The following MYOZ3 variants were observed in gnomAD, a reference collection of about 807,000 sequenced individuals.
The protein encoded by MYOZ3 is myozenin-3.
A neutral mutation model predicts 26.5 loss-of-function variants in MYOZ3; 19 were observed. That is an observed-to-expected ratio of 0.72 (90% confidence interval 0.50 to 1.05). The LOEUF is 1.05. Ranked by LOEUF, MYOZ3 falls within the 50% of genes least tolerant of loss-of-function variation. The probability of loss-of-function intolerance (pLI) is 0.00; values close to 1 mark genes in which losing one functional copy is unlikely to be tolerated. For missense variants in MYOZ3, 322 were observed against 337.1 expected (o/e 0.96, Z 0.35); for synonymous variants, 135 against 138.8 (o/e 0.97, Z 0.19).
intron 3 of MYOZ3, 23 bp from the exon 4 acceptor site, chr5:150,671,574 T>G (rs1200602745): frequency 6.2e-7 from 1 of 1,613,586 alleles, no homozygotes; most frequent in Non-Finnish European, 8.5e-7. Context: ...TCTCTGCGGT[T>G]TATTCTACCC....
chr5:150,662,954 G>A lies in MYOZ3; in HGVS notation c.13G>A (p.Glu5Lys), dbSNP rs756338730. 3.7e-6 allele frequency: 6 copies of A among 1,611,960 alleles called. No individual in the cohort carries two copies. The highest frequency in any genetic ancestry group is 4.5e-5 in the East Asian group (2 of 44,768). MIPKEQKGPVMAAMG... is the reference protein window; with the variant it reads MIPKKQKGPVMAAMG... ...TCTCCTCCACAGGATGATCCCCAAGGAGCAGAAGGGGCCAGTGATGGCTGC... is the reference window on the plus strand; with the variant it reads ...TCTCCTCCACAGGATGATCCCCAAGAAGCAGAAGGGGCCAGTGATGGCTGC... Residue 5 changes from glutamate to lysine, a missense_variant, in exon 2 of 7, where the codon GAG becomes AAG. Transcript: ENST00000517768.
chr5:150,671,635 A>T lies in MYOZ3; in HGVS notation c.255A>T (p.Thr85=), dbSNP rs763235084. ...GCGCCAGGAGGAAGGTGACTGGAAC[A>T]GCGGAGTCGGGGACGGTGAGCGTGG... The part of the protein sequence containing the change: ...AGSARRKVTG[T]AESGTVANAN... The change falls in exon 4 of 7, where the codon ACA becomes ACT. Residue 85 remains threonine, a synonymous_variant. Transcript: ENST00000517768. 1 of 1,613,820 alleles carries T rather than the reference A, an allele frequency of 6.2e-7. No homozygotes were observed. Among genetic ancestry groups the T allele is most frequent in the Non-Finnish European group, 8.5e-7 (1 of 1,179,898 alleles).
intron 2 of MYOZ3, among the ~76,000 whole-genome samples, chr5:150,666,110 C>T (rs1758805237): frequency 6.7e-6 from 1 of 150,272 alleles, no homozygotes; most frequent in African/African-American, 2.4e-5. Context: ...ACTGAGGGTG[C>T]TTTATTATGT....
chr5:150,674,622 C>T (rs573760577), intron 6 of MYOZ3, among the ~76,000 whole-genome samples: 63 of 152,246 alleles, frequency 4.1e-4, no homozygotes, highest in Non-Finnish European at 9.1e-4. Flanking sequence ...CAAGGTTTGT[C>T]TTTCCACCCC....
intron 2 of MYOZ3, among the ~76,000 whole-genome samples, chr5:150,664,520 TAAAGTA>T (rs779859124): frequency 6.6e-6 from 1 of 152,246 alleles, no homozygotes; most frequent in African/African-American, 2.4e-5. Flanking sequence ...ACGGCCACTG[TAAAGTA>T]AAAGTTATAA....
chr5:150,674,814 A>G (rs1758977548), intron 6 of MYOZ3, among the ~76,000 whole-genome samples: 2 of 152,242 alleles, frequency 1.3e-5, no homozygotes, highest in South Asian at 4.1e-4. Flanking sequence ...GTTCAAGACC[A>G]GCCTGGCCAA....
At chr5:150,663,767 G>A (rs1453808301) in intron 2 of MYOZ3, among the ~76,000 whole-genome samples, 1 of 151,832 alleles carries the variant, frequency 6.6e-6, no homozygotes, top group Non-Finnish European at 1.5e-5. Flanking sequence ...GGCTGAGGTG[G>A]AAGAATTGCT....
chr5:150,661,697 G>A (rs1272239777), intron 1 of MYOZ3, among the ~76,000 whole-genome samples: 1 of 152,186 alleles, frequency 6.6e-6, no homozygotes, highest in Non-Finnish European at 1.5e-5. Flanking sequence ...GCAGTAGAGG[G>A]AAGCAGCTTC....
chr5:150,671,516 C>CTTTTT, intron 3 of MYOZ3, 81 bp from the exon 4 acceptor site: 1 of 1,422,100 alleles, frequency 7.0e-7, no homozygotes, highest in Admixed American at 2.0e-5. Context: ...TCCCCCCGAC[C>CTTTTT]TTTTTTTTTG....
At chr5:150,672,016 C>A in intron 5 of MYOZ3, 108 bp downstream of exon 5, 2 of 1,404,070 alleles carry the variant, frequency 1.4e-6, no homozygotes, top group South Asian at 1.4e-5. Context: ...CCCCCTTCCC[C>A]AACACACACG....
intron 1 of MYOZ3, among the ~76,000 whole-genome samples, chr5:150,661,649 A>G (rs1758733905): frequency 6.6e-6 from 1 of 152,158 alleles, no homozygotes; most frequent in Admixed American, 6.5e-5. Flanking sequence ...AAGGTGGGGA[A>G]TAGGTAATGG....
At chr5:150,665,818 C>T (rs1012762782) in intron 2 of MYOZ3, among the ~76,000 whole-genome samples, 8 of 151,858 alleles carry the variant, frequency 5.3e-5, no homozygotes, top group African/African-American at 1.7e-4. Context: ...AGCGGATGAC[C>T]TGAGGTTGGG....
chr5:150,663,100 C>T (rs1235856363), intron 2 of MYOZ3, 98 bp downstream of exon 2: 1 of 1,006,140 alleles, frequency 9.9e-7, no homozygotes, highest in Admixed American at 2.7e-5. Flanking sequence ...CCTGGGCAGA[C>T]AGGTGTGAGC....
intron 2 of MYOZ3, among the ~76,000 whole-genome samples, chr5:150,665,765 G>A (rs1478085947): frequency 1.3e-5 from 2 of 151,414 alleles, no homozygotes; most frequent in Non-Finnish European, 2.9e-5. Flanking sequence ...GCTGGGGGAG[G>A]TGGCTCACGC....
At chr5:150,672,534 C>T in intron 6 of MYOZ3, 32 bp downstream of exon 6, 2 of 1,528,334 alleles carry the variant, frequency 1.3e-6, no homozygotes, top group Non-Finnish European at 1.8e-6. Context: ...GGGGGACAGA[C>T]CGGGAGGGGC....
chr5:150,666,227 A>G (rs895097582), intron 2 of MYOZ3, among the ~76,000 whole-genome samples: 13 of 152,110 alleles, frequency 8.5e-5, no homozygotes, highest in African/African-American at 3.1e-4. Flanking sequence ...CCTCCTTTAT[A>G]TGTCCCATGG....
At chr5:150,672,036 G>T in intron 5 of MYOZ3, 128 bp downstream of exon 5, 1 of 1,340,368 alleles carries the variant, frequency 7.5e-7, no homozygotes, top group Non-Finnish European at 1.0e-6. Context: ...GCGCACGCGC[G>T]CACTCCCCTC....
At chr5:150,668,573 C>T (rs1212453941) in intron 2 of MYOZ3, among the ~76,000 whole-genome samples, 1 of 152,194 alleles carries the variant, frequency 6.6e-6, no homozygotes, top group African/African-American at 2.4e-5. Flanking sequence ...CATCCAGCCT[C>T]CCAGCTTAAA....
intron 3 of MYOZ3, among the ~76,000 whole-genome samples, chr5:150,671,083 C>T (rs1338819143): frequency 6.6e-6 from 1 of 152,000 alleles, no homozygotes; most frequent in Non-Finnish European, 1.5e-5. Flanking sequence ...GGGTTTTTCC[C>T]TTGGCTTCAG....
Sources: allele counts gnomAD v4.1 joint callset (sites outside exome capture counted in the v4.1 genomes callset), GRCh38; gene constraint gnomAD v4.1.1; transcripts MANE v1.5; gene names NCBI Gene and HGNC (gene_info 2026-07-23, HGNC 2026-07-21).